Variants in LRRD1 observed in about 807,000 individuals in gnomAD.
The protein encoded by LRRD1 is leucine rich repeats and death domain containing 1, also known as leucine-rich repeat and death domain-containing protein 1.
LRRD1 carries 49 observed loss-of-function variants against 69.5 expected under a neutral mutation model. The observed-to-expected ratio is 0.70, with a 90% CI of 0.56 to 0.89. The LOEUF is 0.89. LRRD1 is among the 40% of genes least tolerant of loss of function. The pLI, the probability that LRRD1 is intolerant of heterozygous loss-of-function variation, is 0.00. For synonymous variants in LRRD1, 303 were observed against 338.9 expected (o/e 0.89, Z 1.16); for missense variants, 853 against 956.0 (o/e 0.89, Z 1.42).
intron 3 of LRRD1, among the ~76,000 whole-genome samples, chr7:92,153,247 T>A (rs1046296468): frequency 2.0e-5 from 3 of 151,708 alleles, no homozygotes; most frequent in African/African-American, 7.3e-5. Flanking sequence ...GTATTTTTAG[T>A]AGAGATGGGG....
intron 1 of LRRD1, among the ~76,000 whole-genome samples, chr7:92,176,927 C>T (rs879653877): frequency 4.7e-5 from 7 of 148,564 alleles, no homozygotes; most frequent in African/African-American, 7.4e-5. Context: ...TGATATAATA[C>T]TTGTGTGTTT....
chr7:92,155,151 G>C (rs1427331341), intron 3 of LRRD1, among the ~76,000 whole-genome samples: 1 of 152,070 alleles, frequency 6.6e-6, no homozygotes, highest in African/African-American at 2.4e-5. Context: ...GCACTTTAAG[G>C]CTTCTCTATG....
chr7:92,172,771 C>G (rs1789084769), intron 1 of LRRD1, among the ~76,000 whole-genome samples: 1 of 152,034 alleles, frequency 6.6e-6, no homozygotes, highest in Non-Finnish European at 1.5e-5. Flanking sequence ...CTACCCAAAG[C>G]AATTTACAGA....
Position 92,159,195 on chromosome 7 carries a change from T to C in LRRD1, c.1926A>G (p.Arg642=). The change falls in exon 3 of 6, where the codon AGA becomes AGG. Residue 642 remains arginine, a synonymous_variant. Transcript: ENST00000458448. ...TCATATTAGATAGCTCTCCTGGAAG[T>C]CTTGTTAGCTGTAACAAAGATTACA... ...ISQIKGRKLT[R]LPGELSNMTQ... 1.3e-6 allele frequency: 2 copies of C among 1,494,078 alleles called. No individual in the cohort carries two copies. Among genetic ancestry groups the C allele is most frequent in the South Asian group, 2.7e-5 (2 of 74,602 alleles). 92.6% of individuals were successfully genotyped at this position (1,494,078 alleles called of 1,614,324 possible).
At chr7:92,175,083 A>G (rs1789162851) in intron 1 of LRRD1, among the ~76,000 whole-genome samples, 1 of 151,840 alleles carries the variant, frequency 6.6e-6, no homozygotes, top group African/African-American at 2.4e-5. Flanking sequence ...AAAACAAAAC[A>G]CAAAACACAA....
At chr7:92,148,476 TATA>T (rs1332465809) in intron 4 of LRRD1, among the ~76,000 whole-genome samples, 1 of 47,512 alleles carries the variant, frequency 2.1e-5, no homozygotes, top group Non-Finnish European at 4.0e-5. Flanking sequence ...CATGCTATGA[TATA>T]TATATATATA....
At chr7:92,175,681 A>T (rs533050599) in intron 1 of LRRD1, among the ~76,000 whole-genome samples, 1 of 152,238 alleles carries the variant, frequency 6.6e-6, no homozygotes, top group South Asian at 2.1e-4. Context: ...ACAAAAACAG[A>T]GTGCTTATTT....
chr7:92,150,759 AC>A, intron 3 of LRRD1, 64 bp from the exon 4 acceptor site: 1 of 1,216,842 alleles, frequency 8.2e-7, no homozygotes, highest in Non-Finnish European at 1.1e-6. Flanking sequence ...GAGACAAATA[AC>A]ATCTGTTATG....
chr7:92,143,878 G>GTC (rs952721960), downstream of LRRD1, among the ~76,000 whole-genome samples: 18 of 152,358 alleles, frequency 1.2e-4, no homozygotes, highest in Middle Eastern at 6.8e-3. Flanking sequence ...CCAGCACGCT[G>GTC]TCACCTCTCA....
chr7:92,156,980 T>G (rs1310301368), intron 3 of LRRD1, among the ~76,000 whole-genome samples: 1 of 152,038 alleles, frequency 6.6e-6, no homozygotes, highest in Non-Finnish European at 1.5e-5. Flanking sequence ...TGTTGTTGTT[T>G]GTTTTTGAAA....
intron 3 of LRRD1, among the ~76,000 whole-genome samples, chr7:92,152,128 G>A (rs1028823440): frequency 1.7e-5 from 2 of 114,352 alleles, no homozygotes; most frequent in African/African-American, 3.9e-5. Context: ...ATCTGGATAC[G>A]ATGCTTCTGG....
intron 2 of LRRD1, among the ~76,000 whole-genome samples, chr7:92,160,628 C>T (rs1187969813): frequency 6.6e-6 from 1 of 152,096 alleles, no homozygotes; most frequent in African/African-American, 2.4e-5. Context: ...AGCCGACCAA[C>T]ATGGTGAAAC....
Position 92,163,587 on chromosome 7 carries a change from TC to T in LRRD1, c.1615del (p.Asp539IlefsTer7). 1.3e-6 allele frequency: 2 copies of T among 1,531,310 alleles called. No individual in the cohort carries two copies. The highest frequency in any genetic ancestry group is 1.4e-5 in the African/African-American group (1 of 71,686). The allele number at this position is 1,531,310 out of a possible 1,614,324, so 94.9% of individuals were successfully genotyped here. A position where few individuals can be genotyped will look rare whatever the true frequency, so the allele number is the denominator to read the frequency against. On this transcript the variant is annotated frameshift_variant, in exon 2 of 6. Transcript: ENST00000458448. LOFTEE classifies it high-confidence loss of function. ...TTTCTTTATTTGGTTTTTACCAAGA[TC>T]CAGGTATTTAAGATTAATAAGAGAA... ...FCSLINLKYLDLGKNQIKKIP... is the reference protein window; with the variant it reads ...FCSLINLKYLXLGKNQIKKIP...
chr7:92,178,683 A>AATAC (rs947513346), intron 1 of LRRD1, among the ~76,000 whole-genome samples: 32 of 152,302 alleles, frequency 2.1e-4, no homozygotes, highest in South Asian at 4.1e-4. Flanking sequence ...AAAATAAATA[A>AATAC]ATACATACAT....
Position 92,163,718 on chromosome 7 carries a change from A to G in LRRD1, c.1485T>C (p.Asn495=). 6.6e-7 allele frequency: 1 copy of G among 1,506,360 alleles called. No individual in the cohort carries two copies. The highest frequency in any genetic ancestry group is 8.9e-7 in the Non-Finnish European group (1 of 1,129,794). 93.3% of individuals were successfully genotyped at this position (1,506,360 alleles called of 1,614,324 possible). A position where few individuals can be genotyped will look rare whatever the true frequency, so the allele number is the denominator to read the frequency against. Residue 495 remains asparagine, a synonymous_variant, in exon 2 of 6, where the codon AAT becomes AAC. Coordinates refer to ENST00000458448, the MANE Select transcript of LRRD1 (RefSeq NM_001161528.2). Reference sequence around the variant, plus strand: ...CAGGTATTTCTGAAATATAATTTCCATTAACACTCAAATAATAAAGAGAAT... The same window carrying G: ...CAGGTATTTCTGAAATATAATTTCCGTTAACACTCAAATAATAAAGAGAAT... The part of the protein sequence containing the change: ...ALDSLYYLSV[N]GNYISEIPVD...
At chr7:92,152,798 G>A (rs1309587452) in intron 3 of LRRD1, among the ~76,000 whole-genome samples, 1 of 151,752 alleles carries the variant, frequency 6.6e-6, no homozygotes, top group Admixed American at 6.6e-5. Context: ...ACTCTCCTGA[G>A]TAGCTGGGAC....
chr7:92,150,558 G>A lies in LRRD1; in HGVS notation c.2254C>T (p.Leu752=). 6.5e-7 allele frequency: 1 copy of A among 1,550,000 alleles called. No homozygotes were observed. ...CCATCTCTTTCATCTGCCCTCTGTAGATAGCGTGCAATAGTATACAACTGT... is the reference window on the plus strand; with the variant it reads ...CCATCTCTTTCATCTGCCCTCTGTAAATAGCGTGCAATAGTATACAACTGT... ...GKQLYTIARY[L]QRADERDEKI... The change falls in exon 4 of 6, where the codon CTA becomes TTA. Residue 752 remains leucine, a synonymous_variant. Coordinates refer to ENST00000458448, the MANE Select transcript of LRRD1 (RefSeq NM_001161528.2).
At chr7:92,145,108 ATATT>A (rs762596429) in intron 5 of LRRD1, 34 bp from the exon 6 acceptor site, 6 of 1,065,332 alleles carry the variant, frequency 5.6e-6, no homozygotes, top group South Asian at 6.4e-5. Flanking sequence ...TAATAGTTAA[ATATT>A]TATTAACGTT....
intron 2 of LRRD1, among the ~76,000 whole-genome samples, chr7:92,161,997 T>A (rs1788803505): frequency 1.3e-5 from 2 of 152,106 alleles, no homozygotes; most frequent in African/African-American, 4.8e-5. Context: ...ACATTGGAGA[T>A]ACCAACAGTT....
Sources: allele counts gnomAD v4.1 joint callset (sites outside exome capture counted in the v4.1 genomes callset), GRCh38; gene constraint gnomAD v4.1.1; transcripts MANE v1.5; gene names NCBI Gene and HGNC (gene_info 2026-07-23, HGNC 2026-07-21).